The following PLCB4 variants were observed in gnomAD, a reference collection of about 807,000 sequenced individuals.
The protein encoded by PLCB4 is 1-phosphatidylinositol 4,5-bisphosphate phosphodiesterase beta-4.
PLCB4 carries 77 observed loss-of-function variants against 178.8 expected under a neutral mutation model. The observed-to-expected ratio is 0.43, with a 90% CI of 0.36 to 0.52. PLCB4 has a LOEUF of 0.52. Among genes scored for constraint, PLCB4 ranks in the 20% least tolerant of loss-of-function variants. The pLI, the probability that PLCB4 is intolerant of heterozygous loss-of-function variation, is 0.00. For synonymous variants in PLCB4, 496 were observed against 490.8 expected (o/e 1.01, Z -0.14); for missense variants, 1,024 against 1,453.4 (o/e 0.70, Z 4.80).
intron 7 of PLCB4, among the ~76,000 whole-genome samples, chr20:9,349,036 C>T (rs1370156752): frequency 2.0e-5 from 3 of 146,746 alleles, no homozygotes; most frequent in Non-Finnish European, 4.5e-5. Context: ...ACATTCTATG[C>T]AGAAAGTACA....
rs146677117 is a variant in PLCB4 at position 9,289,599 on chromosome 20, C to T, written c.-15-18201C>T. ...GCAATCCTTATTTTTTATTAAACTA[C>T]CTCTTATTAAAGCAGCTTAAATACA... is the stretch of plus-strand genomic sequence containing the variant. On this transcript the variant is annotated intron_variant, in intron 3 of 39. Transcript: ENST00000378473. Among the ~76,000 whole-genome samples the T allele has an allele frequency of 4.3e-4, 66 of 152,058 alleles. No homozygotes were observed. The East Asian group carries it at 9.9e-3, about 23-fold the overall frequency.
chr20:9,079,329 G>C (rs906294544), intron 1 of PLCB4, among the ~76,000 whole-genome samples: 1 of 152,080 alleles, frequency 6.6e-6, no homozygotes, highest in Admixed American at 6.6e-5. Flanking sequence ...ATACAATCAG[G>C]GTGAATGCTA....
intron 3 of PLCB4, among the ~76,000 whole-genome samples, chr20:9,269,161 T>G (rs1296960373): frequency 6.6e-6 from 1 of 152,228 alleles, no homozygotes; most frequent in Non-Finnish European, 1.5e-5. Flanking sequence ...GCTTAACTAA[T>G]CTGATTAGTT....
chr20:9,311,483 A>T (rs2094833113), intron 4 of PLCB4, among the ~76,000 whole-genome samples: 1 of 152,130 alleles, frequency 6.6e-6, no homozygotes, highest in Non-Finnish European at 1.5e-5. Flanking sequence ...CCCAACCAGG[A>T]GTGTCTCTCT....
Position 9,384,466 on chromosome 20 carries a change from T to C in PLCB4, c.1064+55T>C, listed in dbSNP as rs2037407575. The C allele has an allele frequency of 3.2e-6, 4 of 1,231,086 alleles. No individual in the cohort carries two copies. The Admixed American group carries it at 6.8e-5, about 21-fold the overall frequency. 76.3% of individuals were successfully genotyped at this position (1,231,086 alleles called of 1,614,324 possible). A position where few individuals can be genotyped will look rare whatever the true frequency, so the allele number is the denominator to read the frequency against. ...TTGTGTGTGATGCCCTTCAGTTTAA[T>C]TTACTTTTCTCTGAAAAACAGGAAA... On this transcript the variant is annotated intron_variant, in intron 14 of 39. Coordinates refer to ENST00000378473, the MANE Select transcript of PLCB4 (RefSeq NM_001377142.1).
At chr20:9,437,940 C>T (rs902123602) in intron 30 of PLCB4, among the ~76,000 whole-genome samples, 1 of 152,074 alleles carries the variant, frequency 6.6e-6, no homozygotes, top group African/African-American at 2.4e-5. Flanking sequence ...ATCAGTGTGT[C>T]CCTGGAACCA....
chr20:9,162,084 G>C (rs182069346), intron 2 of PLCB4, among the ~76,000 whole-genome samples: 26 of 151,910 alleles, frequency 1.7e-4, no homozygotes, highest in Admixed American at 7.2e-4. Context: ...AAATCTTTTA[G>C]TTTCACGATT....
At chr20:9,443,120 T>A (rs1228031474) in intron 30 of PLCB4, among the ~76,000 whole-genome samples, 2 of 152,202 alleles carry the variant, frequency 1.3e-5, no homozygotes, top group Non-Finnish European at 2.9e-5. Context: ...GATGACTTAG[T>A]GTATTACCCT....
intron 26 of PLCB4, among the ~76,000 whole-genome samples, 184 bp from the exon 27 acceptor site, chr20:9,421,113 T>G (rs1017032048): frequency 2.0e-5 from 3 of 152,176 alleles, no homozygotes; most frequent in East Asian, 3.9e-4. Flanking sequence ...ACAGCTGGGG[T>G]TTTTTTGCCT....
chr20:9,098,356 G>A (rs144553492), intron 2 of PLCB4, among the ~76,000 whole-genome samples: 27 of 152,164 alleles, frequency 1.8e-4, no homozygotes, highest in African/African-American at 5.1e-4. Context: ...TCTGCATCAC[G>A]TATCTGCTAG....
At chr20:9,465,534 C>T (rs570182932) in intron 35 of PLCB4, among the ~76,000 whole-genome samples, 2 of 152,244 alleles carry the variant, frequency 1.3e-5, no homozygotes, top group Non-Finnish European at 2.9e-5. Flanking sequence ...TTTAGAAAAC[C>T]CCTTCATCTC....
At chr20:9,436,847 A>T (rs1287262604) in intron 29 of PLCB4, among the ~76,000 whole-genome samples, 155 bp from the exon 30 acceptor site, 3 of 152,186 alleles carry the variant, frequency 2.0e-5, no homozygotes, top group Non-Finnish European at 4.4e-5. Context: ...AAGAAGTTGG[A>T]TCTTCTTTCC....
intron 30 of PLCB4, among the ~76,000 whole-genome samples, chr20:9,442,240 A>G (rs961962132): frequency 2.6e-5 from 4 of 152,210 alleles, no homozygotes; most frequent in Non-Finnish European, 5.9e-5. Flanking sequence ...GCCACATTTC[A>G]GGTGCTCAAG....
intron 2 of PLCB4, among the ~76,000 whole-genome samples, chr20:9,101,619 A>G (rs1269447309): frequency 6.6e-6 from 1 of 152,092 alleles, no homozygotes; most frequent in Non-Finnish European, 1.5e-5. Context: ...CATAAATCTC[A>G]TTATTTCTTT....
intron 32 of PLCB4, among the ~76,000 whole-genome samples, chr20:9,448,280 G>T (rs961427357): frequency 6.6e-6 from 1 of 152,038 alleles, no homozygotes; most frequent in African/African-American, 2.4e-5. Flanking sequence ...GACATCTACA[G>T]CTCTTTTATA....
chr20:9,095,850 T>TG (rs1389218627), intron 1 of PLCB4, among the ~76,000 whole-genome samples: 5 of 152,162 alleles, frequency 3.3e-5, no homozygotes, highest in Non-Finnish European at 7.3e-5. Flanking sequence ...TTCTGCTACC[T>TG]ACACAGCCCA....
chr20:9,231,046 G>A (rs1017883865), intron 3 of PLCB4, among the ~76,000 whole-genome samples: 34 of 152,110 alleles, frequency 2.2e-4, no homozygotes, highest in African/African-American at 7.5e-4. Context: ...AATTACAAGC[G>A]TATTTATTTA....
chr20:9,390,171 A>G (rs535116138), intron 16 of PLCB4, among the ~76,000 whole-genome samples: 2 of 152,198 alleles, frequency 1.3e-5, no homozygotes, highest in East Asian at 1.9e-4. Flanking sequence ...TGTCCCCCCA[A>G]ACCAAATCAT....
chr20:9,153,911 G>A (rs540417099), intron 2 of PLCB4, among the ~76,000 whole-genome samples: 21 of 152,204 alleles, frequency 1.4e-4, no homozygotes, highest in Middle Eastern at 3.4e-3. Flanking sequence ...GAGCAAATCC[G>A]GTCATTATTT....
Sources: allele counts gnomAD v4.1 joint callset (sites outside exome capture counted in the v4.1 genomes callset), GRCh38; gene constraint gnomAD v4.1.1; transcripts MANE v1.5; gene names NCBI Gene and HGNC (gene_info 2026-07-23, HGNC 2026-07-21).